Variants in ANKHD1 observed in about 807,000 individuals in gnomAD.
The protein encoded by ANKHD1 is ankyrin repeat and KH domain containing 1.
ANKHD1 carries 31 observed loss-of-function variants against 230.5 expected under a neutral mutation model. The observed-to-expected ratio is 0.13, with a 90% CI of 0.10 to 0.18. The LOEUF (loss-of-function observed/expected upper bound fraction) is 0.18, where lower values mean the gene tolerates loss of function less well. Among genes scored for constraint, ANKHD1 ranks in the 10% least tolerant of loss-of-function variants. The pLI, the probability that ANKHD1 is intolerant of heterozygous loss-of-function variation, is 1.00. For synonymous variants in ANKHD1, 1,074 were observed against 1,117.6 expected (o/e 0.96, Z 0.78); for missense variants, 2,256 against 3,071.3 (o/e 0.73, Z 6.27).
In ANKHD1 at chr5:140,508,913, A is replaced by G. The variant is rs138868984; in HGVS notation, c.3766-724A>G. ...AACTGCAAGGTTCTTAGAACTCTGG[A>G]AAGACGTAGGTTGGGTAGAATTTTT... is the stretch of plus-strand genomic sequence containing the variant. On this transcript the variant is annotated intron_variant, in intron 20 of 33. Coordinates refer to ENST00000360839, the MANE Select transcript of ANKHD1 (RefSeq NM_017747.3). Among the ~76,000 whole-genome samples the G allele has an allele frequency of 4.6e-5, 7 of 152,268 alleles. No homozygotes were observed. In the East Asian group the frequency reaches 1.2e-3, roughly 25 times the overall value.
intron 14 of ANKHD1, among the ~76,000 whole-genome samples, chr5:140,491,843 G>A (rs1045828970): frequency 2.6e-5 from 4 of 152,154 alleles, no homozygotes; most frequent in African/African-American, 9.7e-5. Flanking sequence ...TGTATTAGAT[G>A]TTTAAGTACT....
chr5:140,450,297 A>T (rs1396680303), intron 7 of ANKHD1, among the ~76,000 whole-genome samples: 1 of 133,236 alleles, frequency 7.5e-6, no homozygotes, highest in Non-Finnish European at 1.6e-5. Context: ...ACCTCTATCT[A>T]TTTTTTTTTT....
chr5:140,508,077 A>G, intron 20 of ANKHD1, 79 bp downstream of exon 20: 1 of 1,474,660 alleles, frequency 6.8e-7, no homozygotes, highest in Non-Finnish European at 9.0e-7. Context: ...AATTGAATAT[A>G]ATATTTTAAA....
At chr5:140,480,026 G>A (rs1751200492) in intron 10 of ANKHD1, among the ~76,000 whole-genome samples, 3 of 151,500 alleles carry the variant, frequency 2.0e-5, no homozygotes, top group Admixed American at 2.0e-4. Context: ...TAACCCATAG[G>A]GAGTGTGCCC....
rs187043368 is a variant in ANKHD1 at position 140,477,494 on chromosome 5, C to T, written c.1783-5086C>T. On this transcript the variant is annotated intron_variant, in intron 10 of 33. Coordinates refer to ENST00000360839, the MANE Select transcript of ANKHD1 (RefSeq NM_017747.3). ...CCATGTTTTAGGCCACAGAGAAGTC[C>T]GAAGAAACTCCTGAATCTTCATCAC... 1.6e-4 allele frequency among the ~76,000 whole-genome samples: 24 copies of T among 152,186 alleles called. No individual in the cohort carries two copies. The East Asian group carries it at 4.6e-3, about 29-fold the overall frequency.
chr5:140,422,263 C>T (rs1378312304), intron 1 of ANKHD1, among the ~76,000 whole-genome samples: 1 of 151,952 alleles, frequency 6.6e-6, no homozygotes, highest in Non-Finnish European at 1.5e-5. Flanking sequence ...GCTGGGATTA[C>T]AGGCGCCCAC....
At chr5:140,513,634 C>T (rs917940452) in intron 24 of ANKHD1, among the ~76,000 whole-genome samples, 155 bp downstream of exon 24, 6 of 151,930 alleles carry the variant, frequency 3.9e-5, no homozygotes, top group Non-Finnish European at 8.8e-5. Flanking sequence ...CAAGGTGAAA[C>T]CCTGTCTCTA....
intron 1 of ANKHD1, among the ~76,000 whole-genome samples, chr5:140,402,627 A>G (rs1405640805): frequency 1.3e-5 from 2 of 152,092 alleles, no homozygotes; most frequent in Non-Finnish European, 2.9e-5. Flanking sequence ...GAGAGAGACA[A>G]ACAGAGACAG....
chr5:140,454,199 A>G (rs1307820729), intron 7 of ANKHD1, among the ~76,000 whole-genome samples: 1 of 152,204 alleles, frequency 6.6e-6, no homozygotes, highest in East Asian at 1.9e-4. Context: ...AGGAGCACCC[A>G]GATTCATAAA....
In ANKHD1 at chr5:140,458,705, A is replaced by G. The variant is rs565002604; in HGVS notation, c.1323A>G (p.Pro441=). The G allele has an allele frequency of 8.1e-6, 13 of 1,613,146 alleles. No individual in the cohort carries two copies. In the East Asian group the frequency reaches 1.8e-4, roughly 22 times the overall value. ...TGCCTGCAGATTCATTTGAATCTCC[A>G]TTGACGCTAGCTGCCTGTGGAGGAC... ...VNMPADSFES[P]LTLAACGGHV... is the part of the protein sequence containing the mutation. The change falls in exon 8 of 34, where the codon CCA becomes CCG. Residue 441 remains proline (P), a synonymous_variant. Transcript: ENST00000360839.
chr5:140,414,531 A>T (rs1414166592), intron 1 of ANKHD1, among the ~76,000 whole-genome samples: 1 of 152,160 alleles, frequency 6.6e-6, no homozygotes, highest in Non-Finnish European at 1.5e-5. Flanking sequence ...TTGTACATTT[A>T]AAAAGAAATT....
intron 1 of ANKHD1, among the ~76,000 whole-genome samples, chr5:140,432,994 G>A (rs1169329371): frequency 6.6e-6 from 1 of 150,924 alleles, no homozygotes; most frequent in Non-Finnish European, 1.5e-5. Flanking sequence ...GTGAGCCACT[G>A]TGCTCGGCTC....
intron 14 of ANKHD1, among the ~76,000 whole-genome samples, chr5:140,491,153 TATA>T (rs1751772466): frequency 3.9e-5 from 4 of 102,316 alleles, no homozygotes; most frequent in African/African-American, 1.5e-4. Flanking sequence ...TATATATATA[TATA>T]TATATTTTTT....
Position 140,485,292 on chromosome 5 carries a change from CATGTCT to C in ANKHD1, c.1998+48_1998+53del. 1 of 1,579,548 alleles carries C rather than the reference CATGTCT, an allele frequency of 6.3e-7. No homozygotes were observed. The highest frequency in any genetic ancestry group is 8.6e-7 in the Non-Finnish European group (1 of 1,158,006). The stretch of plus-strand genomic sequence containing the variant: ...AGTAAACAGGCTGTGTGCGGTGGCT[CATGTCT>C]ATGATCCCAGCACTTTAGAAAGCTG... On this transcript the variant is annotated intron_variant, in intron 12 of 33. Transcript: ENST00000360839. The surrounding 1 kb of genome is among the most constrained non-coding windows in gnomAD (Gnocchi z 4.8).
At chr5:140,518,767 G>A (rs541729666) in intron 24 of ANKHD1, among the ~76,000 whole-genome samples, 236 of 152,204 alleles carry the variant, frequency 1.6e-3, no homozygotes, top group African/African-American at 5.5e-3. Flanking sequence ...AATAAATTAG[G>A]TATTGATGGG....
chr5:140,531,838 C>T (rs1417249331), intron 29 of ANKHD1, among the ~76,000 whole-genome samples: 2 of 152,032 alleles, frequency 1.3e-5, no homozygotes, highest in South Asian at 2.1e-4. Flanking sequence ...TAGAAACAAC[C>T]GAACGTTCAT....
intron 1 of ANKHD1, among the ~76,000 whole-genome samples, chr5:140,435,566 A>G (rs1773378833): frequency 6.6e-6 from 1 of 151,990 alleles, no homozygotes; most frequent in Non-Finnish European, 1.5e-5. Flanking sequence ...TTTAGTAGAG[A>G]TGAGGTTTCA....
rs186884126 is a variant in ANKHD1 at position 140,508,716 on chromosome 5, A to G, written c.3765+718A>G. ...GGTTGCACTGAGCAGAGATCACGCC[A>G]TTGCACTCCAGCCCGTGCAACAAGA... On this transcript the variant is annotated intron_variant, in intron 20 of 33. Coordinates refer to ENST00000360839, the MANE Select transcript of ANKHD1 (RefSeq NM_017747.3). Among the ~76,000 whole-genome samples, 657 of 151,816 alleles carry G rather than the reference A, an allele frequency of 4.3e-3. 5 individuals are homozygous for G. Among genetic ancestry groups the G allele is most frequent in the African/African-American group, 0.013 (541 of 41,452 alleles).
Position 140,441,154 on chromosome 5 carries a change from A to G in ANKHD1, c.913+12A>G, listed in dbSNP as rs770271469. On this transcript the variant is annotated intron_variant, in intron 5 of 33. Coordinates refer to ENST00000360839, the MANE Select transcript of ANKHD1 (RefSeq NM_017747.3). ...CCAGTCTGCAACAGGTATGTAGAAA[A>G]TGATGTATTAATTGGGAGAAAAAAT... 1.4e-5 allele frequency: 22 copies of G among 1,545,822 alleles called. No homozygotes were observed. The highest frequency in any genetic ancestry group is 1.8e-5 in the Non-Finnish European group (21 of 1,149,894).
Sources: allele counts gnomAD v4.1 joint callset (sites outside exome capture counted in the v4.1 genomes callset), GRCh38; gene constraint gnomAD v4.1.1; non-coding constraint Gnocchi (gnomAD v3.1); transcripts MANE v1.5; gene names NCBI Gene and HGNC (gene_info 2026-07-23, HGNC 2026-07-21).